Variants in TMCC1 observed in about 807,000 individuals in gnomAD.
The protein encoded by TMCC1 is transmembrane and coiled-coil domains protein 1.
In TMCC1, 15 loss-of-function variants were observed where a neutral mutation model predicts 52.4. That is an observed-to-expected ratio of 0.29 (90% CI 0.19 to 0.44). The LOEUF is 0.44. Among genes scored for constraint, TMCC1 ranks in the 20% least tolerant of loss-of-function variants. The pLI is 1.00. For missense variants in TMCC1, 503 were observed against 806.0 expected (o/e 0.62, Z 4.55); for synonymous variants, 279 against 301.9 (o/e 0.92, Z 0.79).
intron 1 of TMCC1, among the ~76,000 whole-genome samples, chr3:129,887,675 T>C (rs1172257335): frequency 6.6e-6 from 1 of 151,700 alleles, no homozygotes; most frequent in East Asian, 1.9e-4. Flanking sequence ...TAAAATATAA[T>C]ATATTGACAT....
chr3:129,853,975 C>A (rs1039152392), intron 2 of TMCC1, among the ~76,000 whole-genome samples: 50 of 152,080 alleles, frequency 3.3e-4, no homozygotes, highest in African/African-American at 1.2e-3. Flanking sequence ...TCCTCTTTAC[C>A]AGCACAACTC....
intron 4 of TMCC1, among the ~76,000 whole-genome samples, chr3:129,765,500 T>C (rs1352331323): frequency 2.0e-5 from 3 of 152,174 alleles, no homozygotes; most frequent in Non-Finnish European, 4.4e-5. Context: ...ATTAGAATTA[T>C]AGAAAAAGCA....
chr3:129,659,099 T>C lies in TMCC1; in HGVS notation c.1512-3996A>G, dbSNP rs867132265. Among the ~76,000 whole-genome samples the C allele has an allele frequency of 4.5e-3, 675 of 148,880 alleles. 4 individuals are homozygous for C. The highest frequency in any genetic ancestry group is 0.015 in the African/African-American group (602 of 40,692). ...GTTTTCCTTTTTCTTTCTTTCTTTT[T>C]TTTTTTTTTTTTTTTAAAGAGATGG... is the stretch of plus-strand genomic sequence containing the variant. On this transcript the variant is annotated intron_variant, in intron 5 of 6. Coordinates refer to ENST00000393238, the MANE Select transcript of TMCC1 (RefSeq NM_001017395.5).
chr3:129,782,708 G>T (rs1420707746), intron 4 of TMCC1, among the ~76,000 whole-genome samples: 1 of 152,134 alleles, frequency 6.6e-6, no homozygotes, highest in Non-Finnish European at 1.5e-5. Flanking sequence ...GCATCTCCTG[G>T]GAATGTGTGC....
chr3:129,809,203 C>T (rs1026359386), intron 4 of TMCC1, among the ~76,000 whole-genome samples: 27 of 144,506 alleles, frequency 1.9e-4, no homozygotes, highest in African/African-American at 6.3e-4. Context: ...GCTGAGATCG[C>T]GCCACTGCAC....
intron 2 of TMCC1, among the ~76,000 whole-genome samples, chr3:129,878,732 A>G (rs1318187794): frequency 6.6e-6 from 1 of 152,190 alleles, no homozygotes; most frequent in Non-Finnish European, 1.5e-5. Flanking sequence ...TCCTACAAAG[A>G]CCAGCAGCAG....
chr3:129,711,106 C>T (rs978345760), intron 4 of TMCC1, among the ~76,000 whole-genome samples: 2 of 152,118 alleles, frequency 1.3e-5, no homozygotes, highest in African/African-American at 2.4e-5. Flanking sequence ...TCAGGTGATC[C>T]GCCCGCCTCA....
chr3:129,811,948 T>TAAA (rs538444532), intron 4 of TMCC1, among the ~76,000 whole-genome samples: 1 of 132,258 alleles, frequency 7.6e-6, no homozygotes, highest in African/African-American at 2.8e-5. Context: ...TGCCTCAATT[T>TAAA]AAAAAAAAAA....
chr3:129,660,806 T>A (rs185884783), intron 5 of TMCC1, among the ~76,000 whole-genome samples: 1 of 152,194 alleles, frequency 6.6e-6, no homozygotes, highest in East Asian at 1.9e-4. Context: ...CTCACTATGT[T>A]GTCCATGCTG....
At chr3:129,891,900 GC>G (rs890430328) in intron 1 of TMCC1, among the ~76,000 whole-genome samples, 2 of 152,216 alleles carry the variant, frequency 1.3e-5, no homozygotes, top group African/African-American at 4.8e-5. Flanking sequence ...TATCAAGAAG[GC>G]CCAGTTTAAA....
At chr3:129,727,402 C>A (rs766374216) in intron 4 of TMCC1, among the ~76,000 whole-genome samples, 2 of 152,026 alleles carry the variant, frequency 1.3e-5, no homozygotes, top group Admixed American at 1.3e-4. Flanking sequence ...TAGAAAAATT[C>A]TGGGGAAAAC....
chr3:129,719,599 C>T (rs935279029), intron 4 of TMCC1, among the ~76,000 whole-genome samples: 1 of 152,124 alleles, frequency 6.6e-6, no homozygotes. Flanking sequence ...ATACTATCTC[C>T]AGGTAGACAG....
intron 4 of TMCC1, among the ~76,000 whole-genome samples, chr3:129,809,478 C>CA (rs2057677540): frequency 6.6e-6 from 1 of 152,024 alleles, no homozygotes; most frequent in African/African-American, 2.4e-5. Flanking sequence ...TTCATTTGTT[C>CA]CTGTAGCTTA....
intron 2 of TMCC1, among the ~76,000 whole-genome samples, chr3:129,868,022 A>C (rs547197854): frequency 3.9e-5 from 6 of 152,320 alleles, no homozygotes; most frequent in Admixed American, 3.9e-4. Flanking sequence ...CTTCCCATAG[A>C]TGTTCTAAAA....
At chr3:129,843,174 A>G (rs375417665) in intron 2 of TMCC1, among the ~76,000 whole-genome samples, 3 of 151,998 alleles carry the variant, frequency 2.0e-5, no homozygotes. Flanking sequence ...GTGAAACCCC[A>G]TTTGTACTGA....
chr3:129,846,239 A>G (rs1577068854), intron 2 of TMCC1, among the ~76,000 whole-genome samples: 1 of 151,986 alleles, frequency 6.6e-6, no homozygotes, highest in East Asian at 1.9e-4. Context: ...AGATCACTTT[A>G]GCTGGGCATA....
At chr3:129,799,254 C>T (rs1298223195) in intron 4 of TMCC1, among the ~76,000 whole-genome samples, 2 of 152,030 alleles carry the variant, frequency 1.3e-5, no homozygotes, top group Non-Finnish European at 2.9e-5. Context: ...GTTTTGGGCT[C>T]CACATTTCTT....
chr3:129,816,475 A>T (rs2058101983), intron 4 of TMCC1, among the ~76,000 whole-genome samples: 2 of 152,198 alleles, frequency 1.3e-5, no homozygotes, highest in South Asian at 4.1e-4. Flanking sequence ...AAGTGAAATA[A>T]GCCAAGCAAG....
chr3:129,874,728 A>T (rs2061108734), intron 2 of TMCC1, among the ~76,000 whole-genome samples: 1 of 151,986 alleles, frequency 6.6e-6, no homozygotes, highest in South Asian at 2.1e-4. Flanking sequence ...ATGGTGGCGC[A>T]CACCTGTAGT....
Sources: allele counts gnomAD v4.1 joint callset (sites outside exome capture counted in the v4.1 genomes callset), GRCh38; gene constraint gnomAD v4.1.1; transcripts MANE v1.5; gene names NCBI Gene and HGNC (gene_info 2026-07-23, HGNC 2026-07-21).